The following ELOVL6 variants were observed in gnomAD, a reference collection of about 807,000 sequenced individuals.
ELOVL6 encodes very long chain fatty acid elongase 6.
ELOVL6 carries 8 observed loss-of-function variants against 31.7 expected under a neutral mutation model. The observed-to-expected ratio is 0.25, with a 90% confidence interval of 0.15 to 0.45. The LOEUF (loss-of-function observed/expected upper bound fraction) is 0.45, where lower values mean the gene tolerates loss of function less well. Ranked by LOEUF, ELOVL6 falls within the 20% of genes least tolerant of loss-of-function variation. ELOVL6 has a pLI of 1.00. For missense variants in ELOVL6, 126 were observed against 326.4 expected, an observed-to-expected ratio of 0.39 and a Z score of 4.73; for synonymous variants, 101 against 117.7, an observed-to-expected ratio of 0.86 and a Z score of 0.92.
At chr4:110,148,797 A>T (rs887786652) in intron 1 of ELOVL6, among the ~76,000 whole-genome samples, 4 of 152,182 alleles carry the variant, frequency 2.6e-5, no homozygotes, top group African/African-American at 9.7e-5. Flanking sequence ...TAATTTTTTT[A>T]AAAAGGACAA....
Position 110,051,035 on chromosome 4 carries a change from G to A in ELOVL6, c.*303C>T. ...AATAGCCTTTGTTTGCCTTTGATTA[G>A]TCTCCTCTGCTTCTGGCTTGCTTTT... On this transcript the variant is annotated 3_prime_UTR_variant, in exon 4 of 4. Transcript: ENST00000302274. This position sits in a 1 kb window ranked among gnomAD's most constrained non-coding sequence, Gnocchi z 4.8. The A allele has an allele frequency of 2.9e-6, 1 of 339,368 alleles. No individual in the cohort carries two copies. The highest frequency in any genetic ancestry group is 5.4e-6 in the Non-Finnish European group (1 of 183,918). The allele number at this position is 339,368 out of a possible 1,614,324, so 21.0% of individuals were successfully genotyped here.
At chr4:110,120,094 C>T (rs768829111) in intron 1 of ELOVL6, among the ~76,000 whole-genome samples, 4 of 152,164 alleles carry the variant, frequency 2.6e-5, no homozygotes, top group South Asian at 2.1e-4. Flanking sequence ...AATGTGTCTT[C>T]CCCTATTCCC....
intron 1 of ELOVL6, among the ~76,000 whole-genome samples, chr4:110,151,938 A>C (rs1758290927): frequency 6.6e-6 from 1 of 152,236 alleles, no homozygotes; most frequent in South Asian, 2.1e-4. Flanking sequence ...AGTGAATATT[A>C]ATATTACACA....
intron 1 of ELOVL6, among the ~76,000 whole-genome samples, chr4:110,137,342 C>T (rs370718739): frequency 1.1e-4 from 16 of 152,224 alleles, no homozygotes; most frequent in Middle Eastern, 3.4e-3. Flanking sequence ...AGTTCATCAT[C>T]GTGACTTACT....
intron 1 of ELOVL6, among the ~76,000 whole-genome samples, chr4:110,107,552 C>T (rs1756922040): frequency 6.6e-6 from 1 of 152,108 alleles, no homozygotes; most frequent in Non-Finnish European, 1.5e-5. Context: ...TTCAGTGAAA[C>T]AATTTTGTGG....
intron 1 of ELOVL6, among the ~76,000 whole-genome samples, chr4:110,155,888 A>G (rs1758400463): frequency 6.6e-6 from 1 of 152,170 alleles, no homozygotes; most frequent in South Asian, 2.1e-4. Context: ...CAATTACAAC[A>G]CGGGAAGCAC....
chr4:110,183,528 A>T (rs961268727), intron 1 of ELOVL6, among the ~76,000 whole-genome samples: 1 of 152,154 alleles, frequency 6.6e-6, no homozygotes, highest in African/African-American at 2.4e-5. Context: ...CTCAGAATAA[A>T]TCTCTTCAAA....
intron 1 of ELOVL6, among the ~76,000 whole-genome samples, chr4:110,183,076 G>A (rs2126278506): frequency 6.6e-6 from 1 of 152,060 alleles, no homozygotes; most frequent in East Asian, 1.9e-4. Context: ...GATAAAGAAG[G>A]AAATCAAAAT....
chr4:110,094,431 ATATATAT>A (rs1560820637), intron 2 of ELOVL6, among the ~76,000 whole-genome samples: 22 of 59,292 alleles, frequency 3.7e-4, no homozygotes, highest in Non-Finnish European at 5.6e-4. Context: ...ATATATATAT[ATATATAT>A]ATATAATATA....
At position 110,051,560 on chromosome 4, in the gene ELOVL6, C is replaced by G; in HGVS notation, c.576G>C (p.Arg192=). The G allele has an allele frequency of 6.2e-7, 1 of 1,614,170 alleles. No individual in the cohort carries two copies. ...ACAAGGTGATGAACATGGCAAACTT[C>G]CGGGAGACTCGGAAACCTGCCGCCC... ...ALRAAGFRVS[R]KFAMFITLSQ... is the part of the protein sequence containing the mutation. The change falls in exon 4 of 4, where the codon CGG becomes CGC. Residue 192 remains arginine (R), a synonymous_variant. Coordinates refer to ENST00000302274, the MANE Select transcript of ELOVL6 (RefSeq NM_024090.3). This position sits in a 1 kb window ranked among gnomAD's most constrained non-coding sequence, Gnocchi z 4.8.
intron 1 of ELOVL6, among the ~76,000 whole-genome samples, chr4:110,120,921 C>A (rs952865999): frequency 6.6e-6 from 1 of 151,626 alleles, no homozygotes; most frequent in Admixed American, 6.6e-5. Context: ...CTGGCTTAGC[C>A]TCCCAAGTAG....
rs1222656262 is a variant in ELOVL6 at position 110,050,758 on chromosome 4, G to A, written c.*580C>T. On this transcript the variant is annotated 3_prime_UTR_variant, in exon 4 of 4. Coordinates refer to ENST00000302274, the MANE Select transcript of ELOVL6 (RefSeq NM_024090.3). ...TGTTTACATCTGTTTTCATAAGGAT[G>A]ATTAAGACATCTTTTCTCATGGGGT... The A allele has an allele frequency of 6.5e-6, 1 of 153,744 alleles. No individual in the cohort carries two copies. The highest frequency in any genetic ancestry group is 2.4e-5 in the African/African-American group (1 of 41,460). The allele number at this position is 153,744 out of a possible 1,614,324, so 9.5% of individuals were successfully genotyped here. A position where few individuals can be genotyped will look rare whatever the true frequency, so the allele number is the denominator to read the frequency against.
chr4:110,131,989 G>C (rs1175188450), intron 1 of ELOVL6, among the ~76,000 whole-genome samples: 1 of 152,212 alleles, frequency 6.6e-6, no homozygotes, highest in Non-Finnish European at 1.5e-5. Context: ...AGGTGCTTCT[G>C]CAGGAGGAAA....
intron 3 of ELOVL6, among the ~76,000 whole-genome samples, chr4:110,053,656 T>G (rs1322198163): frequency 1.3e-5 from 2 of 151,918 alleles, no homozygotes; most frequent in Admixed American, 6.6e-5. Flanking sequence ...AATACAAAAA[T>G]TAGGCTGGCA....
At position 110,049,464 on chromosome 4, in the gene ELOVL6, A is replaced by G. The variant is rs539597504; in HGVS notation, c.*1874T>C. 1 of 152,754 alleles carries G rather than the reference A, an allele frequency of 6.5e-6. No individual in the cohort carries two copies. Among genetic ancestry groups the G allele is most frequent in the East Asian group, 1.9e-4 (1 of 5,190 alleles). The allele number at this position is 152,754 out of a possible 1,614,324, so 9.5% of individuals were successfully genotyped here. A position where few individuals can be genotyped will look rare whatever the true frequency, so the allele number is the denominator to read the frequency against. ...TGAAAAAGCCCTTGCCATCTCTGAC[A>G]GAAAAGCAGAGCAGCTCTGTTTCAT... is the stretch of plus-strand genomic sequence containing the variant. On this transcript the variant is annotated 3_prime_UTR_variant, in exon 4 of 4. Transcript: ENST00000302274.
Position 110,084,394 on chromosome 4 carries a change from GAT to G in ELOVL6, c.221+21101_221+21102del, listed in dbSNP as rs1202116032. Among the ~76,000 whole-genome samples, 6 of 41,162 alleles carry G rather than the reference GAT, an allele frequency of 1.5e-4. 2 individuals carry two copies. The highest frequency in any genetic ancestry group is 3.0e-4 in the Non-Finnish European group (6 of 19,700). The allele number at this position is 41,162 out of a possible 152,430, so 27.0% of individuals were successfully genotyped here. ...GATATATGATATATATCGCATATAT[GAT>G]ATATGATATATGACATACATGATAT... On this transcript the variant is annotated intron_variant, in intron 2 of 3. Transcript: ENST00000302274.
intron 1 of ELOVL6, among the ~76,000 whole-genome samples, chr4:110,152,382 A>G (rs1388688581): frequency 6.6e-6 from 1 of 152,206 alleles, no homozygotes; most frequent in African/African-American, 2.4e-5. Context: ...TTGTCATCCT[A>G]TTAGAATTAT....
intron 2 of ELOVL6, among the ~76,000 whole-genome samples, chr4:110,064,954 C>T (rs925025999): frequency 1.3e-5 from 2 of 152,070 alleles, no homozygotes; most frequent in Non-Finnish European, 2.9e-5. Context: ...CATTAGCACT[C>T]GGGGAGAAAA....
intron 2 of ELOVL6, among the ~76,000 whole-genome samples, chr4:110,082,810 T>A (rs796476856): frequency 6.6e-6 from 1 of 152,250 alleles, no homozygotes; most frequent in Non-Finnish European, 1.5e-5. Flanking sequence ...AGCGCATCCC[T>A]GTCAAGGGAC....
Sources: allele counts gnomAD v4.1 joint callset (sites outside exome capture counted in the v4.1 genomes callset), GRCh38; gene constraint gnomAD v4.1.1; non-coding constraint Gnocchi (gnomAD v3.1); transcripts MANE v1.5; gene names NCBI Gene and HGNC (gene_info 2026-07-23, HGNC 2026-07-21).